RSRC1: variants seen among roughly 807,000 people sequenced by gnomAD.
The protein encoded by RSRC1 is arginine and serine rich coiled-coil 1, also known as serine/Arginine-related protein 53.
In RSRC1, 39 loss-of-function variants were observed where a neutral mutation model predicts 49.1. The ratio of observed to expected loss-of-function variants is 0.79; its 90% confidence interval spans 0.61 to 1.04. The LOEUF is 1.04. RSRC1 is among the 50% of genes least tolerant of loss of function. RSRC1 has a pLI of 0.00. For synonymous variants in RSRC1, 143 were observed against 130.8 expected, an observed-to-expected ratio of 1.09 and a Z score of -0.63; for missense variants, 388 against 402.4, an observed-to-expected ratio of 0.96 and a Z score of 0.31.
At chr3:158,495,559 T>C (rs1739285832) in intron 7 of RSRC1, among the ~76,000 whole-genome samples, 1 of 152,172 alleles carries the variant, frequency 6.6e-6, no homozygotes, top group Admixed American at 6.5e-5. Flanking sequence ...GTGCTGGGAT[T>C]ACAGGCATGA....
rs531055503 is a variant in RSRC1, at chr3:158,543,508, G to T, written c.912+21G>T. On this transcript the variant is annotated intron_variant, in intron 9 of 9. Coordinates refer to ENST00000611884, the MANE Select transcript of RSRC1 (RefSeq NM_001271838.2). ...CAAATGTAATATCCTTAAACTTTAC[G>T]AATGTCAGTTGAAGTCTAATTTACT... The T allele has an allele frequency of 3.2e-6, 5 of 1,580,302 alleles. No individual in the cohort carries two copies. The South Asian group carries it at 3.6e-5, about 11-fold the overall frequency.
intron 7 of RSRC1, among the ~76,000 whole-genome samples, chr3:158,530,422 C>T (rs1712314536): frequency 6.6e-6 from 1 of 151,884 alleles, no homozygotes; most frequent in African/African-American, 2.4e-5. Context: ...AGTTTCCTTT[C>T]CTCCTTTCTA....
chr3:158,245,181 A>C (rs908961746), intron 4 of RSRC1, among the ~76,000 whole-genome samples: 1 of 148,166 alleles, frequency 6.7e-6, no homozygotes, highest in African/African-American at 2.4e-5. Context: ...TTCCCTCTTA[A>C]CATTGCTTTA....
chr3:158,529,344 A>G (rs551982456), intron 7 of RSRC1, among the ~76,000 whole-genome samples: 2 of 151,810 alleles, frequency 1.3e-5, no homozygotes, highest in Admixed American at 1.3e-4. Flanking sequence ...TGGAGTGGGG[A>G]AAAAATAAAT....
intron 7 of RSRC1, among the ~76,000 whole-genome samples, chr3:158,493,044 C>T (rs900589093): frequency 1.3e-5 from 2 of 152,068 alleles, no homozygotes; most frequent in Non-Finnish European, 2.9e-5. Flanking sequence ...GGCAATAAAC[C>T]AAAAGAGGCA....
rs1477598294 is a variant in RSRC1, at chr3:158,426,726, C to T, written c.584-34209C>T. Among the ~76,000 whole-genome samples, 3 of 151,574 alleles carry T rather than the reference C, an allele frequency of 2.0e-5. No individual in the cohort carries two copies. The East Asian group carries it at 5.8e-4, about 30-fold the overall frequency. On this transcript the variant is annotated intron_variant, in intron 6 of 9. Coordinates refer to ENST00000611884, the MANE Select transcript of RSRC1 (RefSeq NM_001271838.2). The stretch of plus-strand genomic sequence containing the variant: ...GGAAAAGCAGTTTTGGTTCAGTGAT[C>T]AAGTTAGAAGCCATACCGAAATGAA...
intron 7 of RSRC1, among the ~76,000 whole-genome samples, chr3:158,485,603 G>A (rs1210798331): frequency 1.3e-5 from 2 of 152,012 alleles, no homozygotes; most frequent in Non-Finnish European, 2.9e-5. Flanking sequence ...ATTTGAGCTC[G>A]AAGTTTTGTG....
At chr3:158,405,162 A>G (rs951775468) in intron 6 of RSRC1, among the ~76,000 whole-genome samples, 3 of 152,012 alleles carry the variant, frequency 2.0e-5, no homozygotes, top group Non-Finnish European at 4.4e-5. Flanking sequence ...TTAAGTCTCT[A>G]TTATTATTAA....
chr3:158,515,753 G>T (rs1217618806), intron 7 of RSRC1, among the ~76,000 whole-genome samples: 3 of 150,530 alleles, frequency 2.0e-5, no homozygotes, highest in Non-Finnish European at 3.0e-5. Flanking sequence ...ACGTAGATTT[G>T]GTCTTTTCAC....
intron 8 of RSRC1, among the ~76,000 whole-genome samples, chr3:158,542,697 G>A (rs2108510061): frequency 6.6e-6 from 1 of 152,282 alleles, no homozygotes; most frequent in East Asian, 1.9e-4. Flanking sequence ...ATTGCTAATG[G>A]TATGAGGTTT....
chr3:158,526,266 A>G (rs1338629491), intron 7 of RSRC1, among the ~76,000 whole-genome samples: 10 of 152,008 alleles, frequency 6.6e-5, no homozygotes, highest in Admixed American at 5.9e-4. Flanking sequence ...AATCATAACT[A>G]TTAATCATGT....
chr3:158,450,782 T>C (rs979499556), intron 6 of RSRC1, among the ~76,000 whole-genome samples: 1 of 151,926 alleles, frequency 6.6e-6, no homozygotes, highest in Non-Finnish European at 1.5e-5. Flanking sequence ...GAGAAAACCT[T>C]AAACACCGTG....
intron 3 of RSRC1, among the ~76,000 whole-genome samples, chr3:158,135,433 C>CAA (rs1716311356): frequency 6.8e-6 from 1 of 146,594 alleles, no homozygotes; most frequent in Non-Finnish European, 1.5e-5. Flanking sequence ...CCACACCCAG[C>CAA]TATTTTTTTT....
intron 7 of RSRC1, among the ~76,000 whole-genome samples, chr3:158,529,635 C>T (rs1424795849): frequency 6.6e-6 from 1 of 151,938 alleles, no homozygotes; most frequent in Non-Finnish European, 1.5e-5. Flanking sequence ...CTCATCTGGC[C>T]TTCTAAACAA....
In RSRC1 at chr3:158,197,266, T is replaced by C. The variant is rs1157081725; in HGVS notation, c.321-5806T>C. On this transcript the variant is annotated intron_variant, in intron 3 of 9. Coordinates refer to ENST00000611884, the MANE Select transcript of RSRC1 (RefSeq NM_001271838.2). ...TGTCGAGGAATTTATCCATTTCTTC[T>C]AGATTTTCTAGTTTATTTGCATAGA... Among the ~76,000 whole-genome samples, 4 of 152,236 alleles carry C rather than the reference T, an allele frequency of 2.6e-5. 1 individual carries two copies. The highest frequency in any genetic ancestry group is 9.6e-5 in the African/African-American group (4 of 41,466).
chr3:158,463,858 A>G (rs1474284365), intron 7 of RSRC1, among the ~76,000 whole-genome samples: 1 of 152,174 alleles, frequency 6.6e-6, no homozygotes, highest in Non-Finnish European at 1.5e-5. Context: ...TCATGTCCTT[A>G]TATAGTTCAG....
intron 6 of RSRC1, among the ~76,000 whole-genome samples, chr3:158,425,261 G>A (rs750602127): frequency 6.6e-5 from 10 of 152,238 alleles, no homozygotes; most frequent in African/African-American, 9.6e-5. Flanking sequence ...ATGTGTCCCA[G>A]AGATTGTGGT....
At chr3:158,349,231 G>A (rs1220383153) in intron 5 of RSRC1, among the ~76,000 whole-genome samples, 3 of 152,102 alleles carry the variant, frequency 2.0e-5, no homozygotes, top group Non-Finnish European at 2.9e-5. Context: ...GTTAACTAAC[G>A]TCTGTTGTTT....
intron 5 of RSRC1, among the ~76,000 whole-genome samples, chr3:158,320,580 T>C (rs984245212): frequency 1.3e-5 from 2 of 152,202 alleles, no homozygotes; most frequent in Non-Finnish European, 2.9e-5. Context: ...CTCAGGACTT[T>C]ACTGCTATTC....
Sources: allele counts gnomAD v4.1 joint callset (sites outside exome capture counted in the v4.1 genomes callset), GRCh38; gene constraint gnomAD v4.1.1; transcripts MANE v1.5; gene names NCBI Gene and HGNC (gene_info 2026-07-23, HGNC 2026-07-21).